ELSPBP1: variants seen among roughly 807,000 people sequenced by gnomAD.
ELSPBP1 encodes the protein epididymal sperm binding protein 1, also known as epididymal sperm-binding protein 1.
Under a neutral mutation model 33.3 loss-of-function variants are expected in ELSPBP1, and 38 were observed. The ratio of observed to expected loss-of-function variants is 1.14; its 90% CI spans 0.88 to 1.50. The LOEUF (loss-of-function observed/expected upper bound fraction) is 1.50, where lower values mean the gene tolerates loss of function less well. ELSPBP1 is among the 40% of genes most tolerant of loss of function. The pLI is 0.00. For missense variants in ELSPBP1, 267 were observed against 263.5 expected (o/e 1.01, Z -0.09); for synonymous variants, 85 against 94.1 (o/e 0.90, Z 0.56).
At chr19:48,022,066 C>A in intron 5 of ELSPBP1, 104 bp from the exon 6 acceptor site, 1 of 1,086,682 alleles carries the variant, frequency 9.2e-7, no homozygotes, top group Non-Finnish European at 1.3e-6. Flanking sequence ...CGAACCACCA[C>A]ACTCAGCCCC....
At chr19:48,018,256 C>T (rs1967163263) in intron 4 of ELSPBP1, among the ~76,000 whole-genome samples, 1 of 152,158 alleles carries the variant, frequency 6.6e-6, no homozygotes, top group African/African-American at 2.4e-5. Context: ...TGGGAAGTCA[C>T]TTTTATTATC....
chr19:48,018,796 T>TAA (rs1055736533), intron 4 of ELSPBP1, among the ~76,000 whole-genome samples: 2 of 148,372 alleles, frequency 1.3e-5, no homozygotes, highest in African/African-American at 4.9e-5. Context: ...CAAAGGAAAT[T>TAA]AAAAAAAAAA....
chr19:48,014,075 G>T, intron 2 of ELSPBP1, 96 bp from the exon 3 acceptor site: 2 of 1,415,918 alleles, frequency 1.4e-6, no homozygotes, highest in Non-Finnish European at 9.7e-7. Context: ...GAGGGAACAC[G>T]GACATTCATA....
chr19:48,023,502 A>ATGGAGG, intron 6 of ELSPBP1, among the ~76,000 whole-genome samples: 2 of 88,674 alleles, frequency 2.3e-5, no homozygotes, highest in African/African-American at 6.8e-5. Flanking sequence ...GAGGGAAGGA[A>ATGGAGG]AAGAGGAAGG....
intron 1 of ELSPBP1, among the ~76,000 whole-genome samples, chr19:47,995,251 A>C (rs1363307925): frequency 3.9e-5 from 6 of 152,166 alleles, no homozygotes; most frequent in Non-Finnish European, 8.8e-5. Flanking sequence ...CTTGTGGGTG[A>C]GGTCCTTTCT....
chr19:48,003,100 C>T (rs1364061329), intron 1 of ELSPBP1, among the ~76,000 whole-genome samples: 1 of 152,190 alleles, frequency 6.6e-6, no homozygotes, highest in Non-Finnish European at 1.5e-5. Flanking sequence ...CTGAACCTGC[C>T]AGTGCCCAAA....
At chr19:48,004,529 G>T (rs1392088092) in intron 1 of ELSPBP1, among the ~76,000 whole-genome samples, 1 of 152,040 alleles carries the variant, frequency 6.6e-6, no homozygotes, top group African/African-American at 2.4e-5. Context: ...CAGTTTCCAC[G>T]TCGGCTTCTC....
chr19:48,016,484 CTT>C (rs756694280), intron 4 of ELSPBP1, among the ~76,000 whole-genome samples: 2 of 80,490 alleles, frequency 2.5e-5, no homozygotes, highest in Admixed American at 1.3e-4. Context: ...TTCTTTCTTT[CTT>C]TCTTTCTTTC....
chr19:48,002,698 AAG>A (rs1167294265), intron 1 of ELSPBP1, among the ~76,000 whole-genome samples: 2 of 152,228 alleles, frequency 1.3e-5, no homozygotes, highest in East Asian at 3.8e-4. Flanking sequence ...AGGCCGAGGC[AAG>A]AGAATTGCTT....
At chr19:48,003,944 C>CTATTCTATTG (rs1966992895) in intron 1 of ELSPBP1, among the ~76,000 whole-genome samples, 2 of 104,598 alleles carry the variant, frequency 1.9e-5, no homozygotes, top group Admixed American at 2.0e-4. Context: ...CTATTCTATT[C>CTATTCTATTG]TATTCTATTC....
At chr19:48,004,963 T>C (rs531010771) in intron 1 of ELSPBP1, among the ~76,000 whole-genome samples, 1 of 152,282 alleles carries the variant, frequency 6.6e-6, no homozygotes, top group African/African-American at 2.4e-5. Flanking sequence ...CTTAGGAGGC[T>C]ACGCAGGAGG....
chr19:48,018,568 A>T lies in ELSPBP1; in HGVS notation c.356-1151A>T, dbSNP rs143855460. On this transcript the variant is annotated intron_variant, in intron 4 of 6. Coordinates refer to ENST00000339841, the MANE Select transcript of ELSPBP1 (RefSeq NM_022142.5). ...TGCCAGGCAGTATTTTAAGTGCTTC[A>T]CATGAAATAACTCATCTATTCCATA... Among the ~76,000 whole-genome samples, 5 of 152,350 alleles carry T rather than the reference A, an allele frequency of 3.3e-5. No individual in the cohort carries two copies. The East Asian group carries it at 9.6e-4, about 29-fold the overall frequency.
intron 1 of ELSPBP1, among the ~76,000 whole-genome samples, 190 bp downstream of exon 1, chr19:47,995,001 C>A (rs1249728008): frequency 6.6e-6 from 1 of 152,214 alleles, no homozygotes; most frequent in East Asian, 1.9e-4. Flanking sequence ...ATAACATGTT[C>A]TGTGGAATCC....
At chr19:47,998,105 G>C (rs1966928227) in intron 1 of ELSPBP1, among the ~76,000 whole-genome samples, 1 of 152,130 alleles carries the variant, frequency 6.6e-6, no homozygotes, top group African/African-American at 2.4e-5. Context: ...TTGGTAGTCA[G>C]CAGCTTCCAG....
At chr19:48,000,886 T>C (rs1966960784) in intron 1 of ELSPBP1, among the ~76,000 whole-genome samples, 1 of 152,344 alleles carries the variant, frequency 6.6e-6, no homozygotes, top group East Asian at 1.9e-4. Context: ...CAGCCCCCTG[T>C]GTGTGCATTA....
intron 2 of ELSPBP1, among the ~76,000 whole-genome samples, chr19:48,013,716 CAA>C (rs35241354): frequency 3.0e-5 from 4 of 135,142 alleles, no homozygotes; most frequent in African/African-American, 5.5e-5. Context: ...GACTTCATCT[CAA>C]AAAAAAAAAA....
rs149490569 is a variant in ELSPBP1, at chr19:48,011,748, G to A, written c.71-2423G>A. Among the ~76,000 whole-genome samples, 95 of 152,104 alleles carry A rather than the reference G, an allele frequency of 6.2e-4. No homozygotes were observed. The highest frequency in any genetic ancestry group is 2.1e-3 in the African/African-American group (88 of 41,496). ...TTATGATGATGCCAATGACAATAGC[G>A]TGGAGAATGATGATGATGACAGTGA... On this transcript the variant is annotated intron_variant, in intron 2 of 6. Coordinates refer to ENST00000339841, the MANE Select transcript of ELSPBP1 (RefSeq NM_022142.5). The surrounding 1 kb of genome is among the most constrained non-coding windows in gnomAD (Gnocchi z 4.5).
intron 6 of ELSPBP1, among the ~76,000 whole-genome samples, chr19:48,023,256 T>G (rs1265294648): frequency 0.013 from 886 of 67,984 alleles, no homozygotes; most frequent in Admixed American, 0.017. Context: ...AGAAAGGAGG[T>G]AGAGAGAGGG....
chr19:48,013,646 G>A (rs1967099849), intron 2 of ELSPBP1, among the ~76,000 whole-genome samples: 1 of 152,062 alleles, frequency 6.6e-6, no homozygotes, highest in Admixed American at 6.6e-5. Context: ...GAACCCAGGA[G>A]GTGGAGGTTG....
Sources: gnomAD v4.1 joint callset for allele counts (sites outside exome capture counted in the v4.1 genomes callset) on GRCh38, gnomAD v4.1.1 for gene constraint, Gnocchi (gnomAD v3.1) non-coding constraint, MANE v1.5 for transcripts, NCBI Gene and HGNC (gene_info 2026-07-23, HGNC 2026-07-21) for gene names.